ADAMTSL1: variants seen among roughly 807,000 people sequenced by gnomAD.
ADAMTSL1 encodes the protein ADAMTS-like protein 1.
A neutral mutation model predicts 201.8 loss-of-function variants in ADAMTSL1; 126 were observed. The observed-to-expected ratio is 0.62, with a 90% CI of 0.54 to 0.72. The LOEUF (loss-of-function observed/expected upper bound fraction) is 0.72, where lower values mean the gene tolerates loss of function less well. ADAMTSL1 is among the 30% of genes least tolerant of loss of function. ADAMTSL1 has a pLI of 0.00. For synonymous variants in ADAMTSL1, 1,121 were observed against 903.4 expected (o/e 1.24, Z -4.32); for missense variants, 2,679 against 2,277.8 (o/e 1.18, Z -3.59).
chr9:18,284,178 G>T (rs916729511), intron 2 of ADAMTSL1, among the ~76,000 whole-genome samples: 2 of 151,620 alleles, frequency 1.3e-5, no homozygotes, highest in African/African-American at 4.8e-5. Flanking sequence ...GCAGTGAGCC[G>T]AGGTCACACC....
At chr9:18,550,396 A>C (rs1281837588) in intron 3 of ADAMTSL1, among the ~76,000 whole-genome samples, 1 of 151,944 alleles carries the variant, frequency 6.6e-6, no homozygotes, top group Non-Finnish European at 1.5e-5. Flanking sequence ...AAAAGAAACC[A>C]GAGATTCTAA....
chr9:18,785,121 G>A (rs1488701097), intron 19 of ADAMTSL1, among the ~76,000 whole-genome samples: 2 of 151,946 alleles, frequency 1.3e-5, no homozygotes, highest in South Asian at 2.1e-4. Context: ...CTGGTATCGT[G>A]CCACTGCATT....
At chr9:18,271,499 A>C (rs1250188541) in intron 2 of ADAMTSL1, among the ~76,000 whole-genome samples, 1 of 152,208 alleles carries the variant, frequency 6.6e-6, no homozygotes, top group Non-Finnish European at 1.5e-5. Context: ...TACAAAGGAC[A>C]TGAACTCATC....
chr9:18,574,217 C>A lies in ADAMTSL1; in HGVS notation c.425C>A (p.Thr142Lys), dbSNP rs771200194. 1 of 1,613,996 alleles carries A rather than the reference C, an allele frequency of 6.2e-7. No homozygotes were observed. The highest frequency in any genetic ancestry group is 2.2e-5 in the East Asian group (1 of 44,880). Residue 142 changes from threonine (T) to lysine (K), a missense_variant, in exon 4 of 29, where the codon ACG becomes AAG. Physicochemically the swap from Thr to Lys is moderately conservative, Grantham distance 78. Coordinates refer to ENST00000380548, the MANE Select transcript of ADAMTSL1 (RefSeq NM_001040272.6). ...VELAPKVLDG[T>K]RCYTESLDMC... ...CTAGCACCTAAGGTCTTAGATGGTA[C>A]GCGTTGCTATACAGAATCTTTGGAT...
At chr9:18,167,377 G>A (rs1827680898) in intron 2 of ADAMTSL1, among the ~76,000 whole-genome samples, 1 of 151,906 alleles carries the variant, frequency 6.6e-6, no homozygotes, top group Non-Finnish European at 1.5e-5. Context: ...GGGGTTGAGT[G>A]TTCCTTTGAA....
intron 26 of ADAMTSL1, among the ~76,000 whole-genome samples, chr9:18,893,513 G>C (rs994590158): frequency 2.0e-5 from 3 of 152,056 alleles, no homozygotes; most frequent in African/African-American, 7.2e-5. Flanking sequence ...GAATCACCTG[G>C]GAATCTTATT....
intron 2 of ADAMTSL1, among the ~76,000 whole-genome samples, chr9:18,223,204 T>C (rs1040136402): frequency 1.3e-5 from 2 of 152,090 alleles, no homozygotes; most frequent in Non-Finnish European, 2.9e-5. Flanking sequence ...TGCCCCAAAA[T>C]CTGAAATTTT....
At chr9:17,957,087 C>A (rs531741342) in intron 1 of ADAMTSL1, among the ~76,000 whole-genome samples, 1 of 151,922 alleles carries the variant, frequency 6.6e-6, no homozygotes, top group Non-Finnish European at 1.5e-5. Flanking sequence ...AGAAACGCTC[C>A]GGTATTGTCA....
chr9:18,408,990 A>AT (rs1008098777), intron 2 of ADAMTSL1, among the ~76,000 whole-genome samples: 9 of 152,136 alleles, frequency 5.9e-5, no homozygotes, highest in Admixed American at 3.3e-4. Flanking sequence ...ACACCTGAAG[A>AT]TTTTTTTCCT....
chr9:18,049,527 C>T (rs186426875), intron 1 of ADAMTSL1, among the ~76,000 whole-genome samples: 4 of 152,042 alleles, frequency 2.6e-5, no homozygotes, highest in African/African-American at 9.7e-5. Flanking sequence ...GGATTTTGAC[C>T]GATGATAAAG....
At chr9:18,862,102 C>T (rs1204050337) in intron 23 of ADAMTSL1, among the ~76,000 whole-genome samples, 2 of 152,144 alleles carry the variant, frequency 1.3e-5, no homozygotes, top group Non-Finnish European at 2.9e-5. Context: ...CTGTGCTGTG[C>T]CCAGTGAGGC....
rs66460645 is a variant in ADAMTSL1, at chr9:18,740,457, CTT to C, written c.2007-12829_2007-12828del. Among the ~76,000 whole-genome samples, 227 of 126,584 alleles carry C rather than the reference CTT, an allele frequency of 1.8e-3. 5 individuals are homozygous for C. Among genetic ancestry groups the C allele is most frequent in the Middle Eastern group, 4.3e-3 (1 of 232 alleles). The allele number at this position is 126,584 out of a possible 152,430, so 83.0% of individuals were successfully genotyped here. ...TAGGCTTTCTACTCAATGTTCCTTT[CTT>C]TTTTTTTTTTTCTTTTATCTTTTTT... On this transcript the variant is annotated intron_variant, in intron 15 of 28. Transcript: ENST00000380548.
chr9:18,537,822 C>T (rs1045886171), intron 3 of ADAMTSL1, among the ~76,000 whole-genome samples: 2 of 148,796 alleles, frequency 1.3e-5, no homozygotes, highest in South Asian at 2.2e-4. Flanking sequence ...TGCAGTGAGC[C>T]TTGTTTACAC....
chr9:18,317,722 C>T (rs1305446234), intron 2 of ADAMTSL1, among the ~76,000 whole-genome samples: 1 of 152,182 alleles, frequency 6.6e-6, no homozygotes, highest in Non-Finnish European at 1.5e-5. Context: ...TACACCCTTA[C>T]ACCTCTATCC....
chr9:17,999,242 T>C (rs1308844097), intron 1 of ADAMTSL1, among the ~76,000 whole-genome samples: 1 of 152,008 alleles, frequency 6.6e-6, no homozygotes, highest in African/African-American at 2.4e-5. Flanking sequence ...TTTGCAACTG[T>C]CTAAAATACG....
intron 2 of ADAMTSL1, among the ~76,000 whole-genome samples, chr9:18,304,968 C>G (rs1427607172): frequency 1.3e-5 from 2 of 152,184 alleles, no homozygotes; most frequent in Non-Finnish European, 1.5e-5. Flanking sequence ...GTGATCTACA[C>G]AGAAGGCAGG....
chr9:18,777,408 C>T lies in ADAMTSL1; in HGVS notation c.3179C>T (p.Ala1060Val), dbSNP rs1247700060. 1.2e-6 allele frequency: 2 copies of T among 1,602,300 alleles called. No individual in the cohort carries two copies. Among genetic ancestry groups the T allele is most frequent in the Non-Finnish European group, 1.7e-6 (2 of 1,175,016 alleles). The change falls in exon 19 of 29, where the codon GCA becomes GTA. Residue 1060 changes from alanine to valine, a missense_variant. By Grantham distance (64) the Ala-to-Val change is moderately conservative (BLOSUM62 0). Transcript: ENST00000380548. ...ACGACCTCGGAGGAGGACCCGGGTGCAGAGCAAGTGCTCCTGCACCTGCCC... is the reference window on the plus strand; with the variant it reads ...ACGACCTCGGAGGAGGACCCGGGTGTAGAGCAAGTGCTCCTGCACCTGCCC... ...RNTTSEEDPG[A>V]EQVLLHLPFT...
intron 2 of ADAMTSL1, among the ~76,000 whole-genome samples, chr9:18,240,235 T>C (rs1409335935): frequency 6.6e-6 from 1 of 152,196 alleles, no homozygotes; most frequent in Non-Finnish European, 1.5e-5. Context: ...ACAGAATGGA[T>C]GTTGTATTAG....
chr9:18,066,014 A>AAAAAG (rs1822683090), intron 1 of ADAMTSL1, among the ~76,000 whole-genome samples: 2 of 135,064 alleles, frequency 1.5e-5, no homozygotes, highest in African/African-American at 2.8e-5. Context: ...AAAAAAAAAA[A>AAAAAG]GAATGGCACC....
Sources: gnomAD v4.1 joint callset for allele counts (sites outside exome capture counted in the v4.1 genomes callset) on GRCh38, gnomAD v4.1.1 for gene constraint, MANE v1.5 for transcripts, NCBI Gene and HGNC (gene_info 2026-07-23, HGNC 2026-07-21) for gene names.